The following GABRA2 variants were observed in gnomAD, a reference collection of about 807,000 sequenced individuals.
GABRA2 encodes the protein gamma-aminobutyric acid type A receptor subunit alpha2, also known as gamma-aminobutyric acid receptor subunit alpha-2.
In GABRA2, 16 loss-of-function variants were observed where a neutral mutation model predicts 48.7. That is an observed-to-expected ratio of 0.33 (90% CI 0.22 to 0.50). The LOEUF is 0.50. GABRA2 is among the 20% of genes least tolerant of loss of function. The probability of loss-of-function intolerance (pLI) is 0.98; values close to 1 mark genes in which losing one functional copy is unlikely to be tolerated. For missense variants in GABRA2, 275 were observed against 535.6 expected (o/e 0.51, Z 4.80); for synonymous variants, 185 against 184.5 (o/e 1.00, Z -0.02).
chr4:46,307,459 G>A (rs1220719923), intron 6 of GABRA2, among the ~76,000 whole-genome samples: 42 of 148,628 alleles, frequency 2.8e-4, no homozygotes, highest in Admixed American at 2.7e-4. Flanking sequence ...TTTTTTTAGC[G>A]GAACGACATC....
At chr4:46,368,821 A>C (rs1714447748) in intron 3 of GABRA2, 1 of 427,146 alleles carries the variant, frequency 2.3e-6, no homozygotes, top group Admixed American at 4.0e-5. Flanking sequence ...TTAAATACTT[A>C]TGTGGCAATG....
chr4:46,337,166 A>G (rs1732388734), intron 3 of GABRA2, among the ~76,000 whole-genome samples: 1 of 152,120 alleles, frequency 6.6e-6, no homozygotes, highest in South Asian at 2.1e-4. Flanking sequence ...AAAAATTTGT[A>G]ATACAAGAAA....
chr4:46,294,674 C>T (rs937744848), intron 8 of GABRA2, among the ~76,000 whole-genome samples: 1 of 152,310 alleles, frequency 6.6e-6, no homozygotes, highest in East Asian at 1.9e-4. Flanking sequence ...GGCAGACCCC[C>T]ATAGGTGAAC....
intron 3 of GABRA2, among the ~76,000 whole-genome samples, chr4:46,336,851 C>T (rs759141789): frequency 1.4e-4 from 21 of 152,008 alleles, no homozygotes; most frequent in Non-Finnish European, 2.9e-4. Context: ...TCTTCTGTTA[C>T]TTCTCTGATT....
chr4:46,377,748 G>A (rs9684419), intron 3 of GABRA2, among the ~76,000 whole-genome samples: 37 of 97,160 alleles, frequency 3.8e-4, no homozygotes, highest in African/African-American at 9.2e-4. Context: ...TCAGCCCCCC[G>A]CCCGGCCAGC....
intron 3 of GABRA2, among the ~76,000 whole-genome samples, chr4:46,347,994 G>A (rs528583347): frequency 9.9e-5 from 15 of 151,654 alleles, no homozygotes; most frequent in Admixed American, 2.6e-4. Flanking sequence ...GGCAACCTAC[G>A]AAATGGGAGA....
intron 3 of GABRA2, among the ~76,000 whole-genome samples, chr4:46,375,193 T>C (rs756652172): frequency 6.6e-6 from 1 of 152,150 alleles, no homozygotes; most frequent in Non-Finnish European, 1.5e-5. Flanking sequence ...GATAAGTTGA[T>C]ATCCCTAATT....
At chr4:46,297,145 T>G (rs1724871903) in intron 8 of GABRA2, among the ~76,000 whole-genome samples, 2 of 152,078 alleles carry the variant, frequency 1.3e-5, no homozygotes, top group Admixed American at 1.3e-4. Context: ...GTATTGATCC[T>G]GGGTGTGTCC....
intron 8 of GABRA2, among the ~76,000 whole-genome samples, chr4:46,284,623 T>C (rs1158362990): frequency 2.0e-5 from 3 of 152,148 alleles, no homozygotes; most frequent in East Asian, 1.9e-4. Context: ...TGAAACCCAA[T>C]ATAATGGAGC....
chr4:46,256,196 GA>G, intron 9 of GABRA2: 1 of 658,500 alleles, frequency 1.5e-6, no homozygotes, highest in Non-Finnish European at 2.8e-6. Flanking sequence ...GATACTTACA[GA>G]AGATTGTTTG....
At chr4:46,266,718 C>CTTT (rs35380341) in intron 8 of GABRA2, among the ~76,000 whole-genome samples, 3,006 of 92,704 alleles carry the variant, frequency 0.032, 164 homozygotes, top group African/African-American at 0.074. Context: ...CAAATATTCT[C>CTTT]TTTTTTTTTT....
chr4:46,367,235 T>A (rs965211080), intron 3 of GABRA2: 2 of 152,144 alleles, frequency 1.3e-5, no homozygotes, highest in African/African-American at 2.4e-5. Flanking sequence ...TAGAAAAAAA[T>A]TGATTGTTGA....
chr4:46,310,070 C>G, intron 6 of GABRA2, 103 bp downstream of exon 6: 1 of 748,458 alleles, frequency 1.3e-6, no homozygotes, highest in Non-Finnish European at 2.3e-6. Context: ...TGACAATTGT[C>G]AATCATCTCA....
chr4:46,333,765 CT>C (rs754958372), intron 3 of GABRA2, among the ~76,000 whole-genome samples: 4 of 152,014 alleles, frequency 2.6e-5, no homozygotes, highest in African/African-American at 9.7e-5. Context: ...TCTGTTACCC[CT>C]ATGCATGTGT....
intron 8 of GABRA2, among the ~76,000 whole-genome samples, chr4:46,281,278 T>C (rs1373322268): frequency 6.6e-6 from 1 of 152,184 alleles, no homozygotes; most frequent in African/African-American, 2.4e-5. Context: ...GGAGAAGATC[T>C]GTACAAAAGT....
chr4:46,318,550 G>A (rs1387584348), intron 4 of GABRA2, among the ~76,000 whole-genome samples: 2 of 151,574 alleles, frequency 1.3e-5, no homozygotes, highest in East Asian at 3.9e-4. Flanking sequence ...TTCTTGAAAA[G>A]TGCATTTAAA....
In GABRA2 at chr4:46,249,712, C is replaced by T. The variant is rs202058416; in HGVS notation, c.*596G>A. Reference sequence around the variant, plus strand: ...TAATTAACATCCTTTCGGGCTGACTCATAATTATTTGAGCTTGTCATGCTG... The same window carrying T: ...TAATTAACATCCTTTCGGGCTGACTTATAATTATTTGAGCTTGTCATGCTG... On this transcript the variant is annotated 3_prime_UTR_variant, in exon 10 of 10. Coordinates refer to ENST00000381620, the MANE Select transcript of GABRA2 (RefSeq NM_000807.4). 2.1e-4 allele frequency: 32 copies of T among 151,560 alleles called. No individual in the cohort carries two copies. The Middle Eastern group carries it at 0.014, about 64-fold the overall frequency. 9.4% of individuals were successfully genotyped at this position (151,560 alleles called of 1,614,324 possible). A position where few individuals can be genotyped will look rare whatever the true frequency, so the allele number is the denominator to read the frequency against.
intron 3 of GABRA2, among the ~76,000 whole-genome samples, chr4:46,357,021 G>A (rs1187137853): frequency 6.6e-6 from 1 of 150,970 alleles, no homozygotes; most frequent in Non-Finnish European, 1.5e-5. Context: ...GTTGTTGTTT[G>A]TTTGTTTTTT....
At chr4:46,383,324 TA>T (rs1242364807) in intron 3 of GABRA2, among the ~76,000 whole-genome samples, 2 of 152,178 alleles carry the variant, frequency 1.3e-5, no homozygotes, top group East Asian at 3.8e-4. Flanking sequence ...AGGATTTTAC[TA>T]AATCTCCAGT....
Sources: gnomAD v4.1 joint callset for allele counts (sites outside exome capture counted in the v4.1 genomes callset) on GRCh38, gnomAD v4.1.1 for gene constraint, MANE v1.5 for transcripts, NCBI Gene and HGNC (gene_info 2026-07-23, HGNC 2026-07-21) for gene names.